LRRC40: variants seen among roughly 807,000 people sequenced by gnomAD.
LRRC40 encodes the protein leucine rich repeat containing 40.
A neutral mutation model predicts 72.8 loss-of-function variants in LRRC40; 76 were observed. The ratio of observed to expected loss-of-function variants is 1.04; its 90% CI spans 0.87 to 1.26. The LOEUF (loss-of-function observed/expected upper bound fraction) is 1.26, where lower values mean the gene tolerates loss of function less well. LRRC40 is among the 50% of genes most tolerant of loss of function. The pLI is 0.00. For missense variants in LRRC40, 684 were observed against 698.9 expected (o/e 0.98, Z 0.24); for synonymous variants, 243 against 254.2 (o/e 0.96, Z 0.42).
Position 70,155,200 on chromosome 1 carries a change from A to G in LRRC40, c.1328+489T>C, listed in dbSNP as rs373949727. Among the ~76,000 whole-genome samples, 5 of 152,154 alleles carry G rather than the reference A, an allele frequency of 3.3e-5. No homozygotes were observed. The East Asian group carries it at 5.8e-4, about 18-fold the overall frequency. On this transcript the variant is annotated intron_variant, in intron 11 of 14. Coordinates refer to ENST00000370952, the MANE Select transcript of LRRC40 (RefSeq NM_017768.5). ...GACTGCATGTGAAGAATCCTTTTCT[A>G]GGAGAAAAATATTAACAGGCTTCAG...
intron 4 of LRRC40, 139 bp from the exon 5 acceptor site, chr1:70,181,348 C>A: frequency 2.2e-6 from 1 of 454,476 alleles, no homozygotes; most frequent in Non-Finnish European, 3.8e-6. Flanking sequence ...GTGTAACTCT[C>A]ATTCACTGAA....
At chr1:70,175,130 C>T (rs980702330) in intron 7 of LRRC40, among the ~76,000 whole-genome samples, 1 of 151,748 alleles carries the variant, frequency 6.6e-6, no homozygotes, top group African/African-American at 2.4e-5. Flanking sequence ...AGGAATAAAA[C>T]AAAGAAAGGG....
chr1:70,179,212 C>G (rs758623449), intron 5 of LRRC40, among the ~76,000 whole-genome samples: 96 of 152,092 alleles, frequency 6.3e-4, no homozygotes, highest in African/African-American at 2.2e-3. Flanking sequence ...ATTACTTAGG[C>G]CAGTTGTGCT....
At chr1:70,155,611 G>A in intron 11 of LRRC40, 78 bp downstream of exon 11, 4 of 602,426 alleles carry the variant, frequency 6.6e-6, no homozygotes, top group East Asian at 3.1e-5. Context: ...AACCAATATG[G>A]AAAAACCAAT....
intron 1 of LRRC40, among the ~76,000 whole-genome samples, chr1:70,196,468 T>C (rs1003035896): frequency 2.0e-5 from 3 of 152,082 alleles, no homozygotes; most frequent in Non-Finnish European, 2.9e-5. Context: ...AAGGATCACT[T>C]GAGACCAGAA....
At position 70,173,524 on chromosome 1, in the gene LRRC40, G is replaced by C; in HGVS notation, c.1066-14C>G. 3 of 1,600,198 alleles carry C rather than the reference G, an allele frequency of 1.9e-6. No homozygotes were observed. The highest frequency in any genetic ancestry group is 2.6e-6 in the Non-Finnish European group (3 of 1,168,320). On this transcript the variant is annotated splice_polypyrimidine_tract_variant and intron_variant, in intron 8 of 14. Coordinates refer to ENST00000370952, the MANE Select transcript of LRRC40 (RefSeq NM_017768.5). Reference sequence around the variant, plus strand: ...TTGTGTTCCTTTCTAGAAGGGTGGAGACAAAGACATTCACCAAGACATGCT... The same window carrying C: ...TTGTGTTCCTTTCTAGAAGGGTGGACACAAAGACATTCACCAAGACATGCT...
chr1:70,147,001 T>C (rs1667320081), intron 14 of LRRC40: 1 of 152,206 alleles, frequency 6.6e-6, no homozygotes, highest in South Asian at 2.1e-4. Context: ...GGAATTCTTT[T>C]AAAGACTTAT....
At chr1:70,173,213 G>A (rs1293743505) in intron 9 of LRRC40, among the ~76,000 whole-genome samples, 1 of 151,748 alleles carries the variant, frequency 6.6e-6, no homozygotes, top group African/African-American at 2.4e-5. Context: ...AATCTTTTTT[G>A]TTAAATTTCC....
chr1:70,166,460 G>T (rs1667881429), intron 9 of LRRC40, among the ~76,000 whole-genome samples: 2 of 152,006 alleles, frequency 1.3e-5, no homozygotes, highest in African/African-American at 4.8e-5. Flanking sequence ...CAGAGTTCAA[G>T]ACCAGAATGA....
chr1:70,159,091 A>C (rs1023540377), intron 10 of LRRC40, among the ~76,000 whole-genome samples: 1 of 151,856 alleles, frequency 6.6e-6, no homozygotes, highest in African/African-American at 2.4e-5. Flanking sequence ...ACTCTGATGA[A>C]TTTTTCCTCA....
intron 14 of LRRC40, among the ~76,000 whole-genome samples, chr1:70,146,642 T>C (rs1240317752): frequency 6.6e-6 from 1 of 152,182 alleles, no homozygotes; most frequent in Non-Finnish European, 1.5e-5. Flanking sequence ...GACTGTATAC[T>C]AAATGGTCAA....
At chr1:70,187,236 T>C (rs1287912564) in intron 3 of LRRC40, 29 bp downstream of exon 3, 5 of 1,058,506 alleles carry the variant, frequency 4.7e-6, no homozygotes, top group Admixed American at 1.8e-5. Context: ...ATAAGGGCAA[T>C]AATATAAGTA....
rs953455338 is a variant in LRRC40 at position 70,145,827 on chromosome 1, T to C, written c.1782A>G (p.Glu594=). 1 of 1,607,504 alleles carries C rather than the reference T, an allele frequency of 6.2e-7. No homozygotes were observed. The highest frequency in any genetic ancestry group is 8.5e-7 in the Non-Finnish European group (1 of 1,174,718). ...AAGTAGGAATTCGGTCTCTCAAATA[T>C]TCAAGTATAGCAGCTGTTCCTTTCA... is the stretch of plus-strand genomic sequence containing the variant. ...ILMKGTAAIL[E]YLRDRIPT is the part of the protein sequence containing the mutation. Residue 594 remains glutamate (E), a synonymous_variant, in exon 15 of 15, where the codon GAA becomes GAG. Coordinates refer to ENST00000370952, the MANE Select transcript of LRRC40 (RefSeq NM_017768.5).
At chr1:70,174,958 C>T (rs1668071566) in intron 7 of LRRC40, among the ~76,000 whole-genome samples, 1 of 151,844 alleles carries the variant, frequency 6.6e-6, no homozygotes, top group South Asian at 2.1e-4. Flanking sequence ...ATATAAAAAG[C>T]ATATATAATA....
At chr1:70,155,389 T>C (rs1316748361) in intron 11 of LRRC40, among the ~76,000 whole-genome samples, 2 of 152,124 alleles carry the variant, frequency 1.3e-5, no homozygotes, top group Admixed American at 6.5e-5. Context: ...TAATTCCCTA[T>C]ATTTCATTAT....
rs1227334167 is a variant in LRRC40, at chr1:70,181,117, CTT to C, written c.628_629del (p.Lys210GlufsTer8). 1 of 1,579,736 alleles carries C rather than the reference CTT, an allele frequency of 6.3e-7. No individual in the cohort carries two copies. Among genetic ancestry groups the C allele is most frequent in the Admixed American group, 1.7e-5 (1 of 58,068 alleles). ...VRLNLSSNELKSLPAEINRMK... is the reference protein window; with the variant it reads ...VRLNLSSNELXSLPAEINRMK... ...TTCTATTTATTTCTGCTGGCAAACT[CTT>C]CAGTTCATTACTAGAAAGATTGAGT... On this transcript the variant is annotated frameshift_variant, in exon 5 of 15. Transcript: ENST00000370952. LOFTEE classifies it high-confidence loss of function.
Position 70,189,571 on chromosome 1 carries a change from T to C in LRRC40, c.152-298A>G, listed in dbSNP as rs1372801686. ...ATTAGCACATACACTGCACAGCACA[T>C]TGTGGTAAATATGTACAACAAAGAA... On this transcript the variant is annotated intron_variant, in intron 1 of 14. Coordinates refer to ENST00000370952, the MANE Select transcript of LRRC40 (RefSeq NM_017768.5). Among the ~76,000 whole-genome samples the C allele has an allele frequency of 6.6e-6, 1 of 152,196 alleles. No homozygotes were observed. Among genetic ancestry groups the C allele is most frequent in the Non-Finnish European group, 1.5e-5 (1 of 68,030 alleles).
At chr1:70,174,752 A>T (rs1459097907) in intron 7 of LRRC40, among the ~76,000 whole-genome samples, 1 of 152,092 alleles carries the variant, frequency 6.6e-6, no homozygotes, top group Non-Finnish European at 1.5e-5. Flanking sequence ...ATAGCACATT[A>T]GTGGTTGCCA....
chr1:70,179,483 G>A (rs1460163558), intron 5 of LRRC40, among the ~76,000 whole-genome samples: 5 of 151,886 alleles, frequency 3.3e-5, no homozygotes, highest in Non-Finnish European at 7.4e-5. Context: ...CAACAGTCCC[G>A]GTCATTTTTG....
Sources: allele counts gnomAD v4.1 joint callset (sites outside exome capture counted in the v4.1 genomes callset), GRCh38; gene constraint gnomAD v4.1.1; transcripts MANE v1.5; gene names NCBI Gene and HGNC (gene_info 2026-07-23, HGNC 2026-07-21).